GPR21: variants seen among roughly 807,000 people sequenced by gnomAD.
GPR21 encodes probable G protein-coupled receptor 21.
A neutral mutation model predicts 21.5 loss-of-function variants in GPR21; 9 were observed. That is an observed-to-expected ratio of 0.42 (90% CI 0.25 to 0.73). The LOEUF is 0.73. Among genes scored for constraint, GPR21 ranks in the 30% least tolerant of loss-of-function variants. The probability of loss-of-function intolerance (pLI) is 0.27; values close to 1 mark genes in which losing one functional copy is unlikely to be tolerated. For missense variants in GPR21, 416 were observed against 428.9 expected, an observed-to-expected ratio of 0.97 and a Z score of 0.27; for synonymous variants, 169 against 159.3, an observed-to-expected ratio of 1.06 and a Z score of -0.46.
chr9:123,048,582 T>C, the GPR21 span, among the ~76,000 whole-genome samples: 7 of 152,218 alleles, frequency 4.6e-5, no homozygotes, highest in East Asian at 1.9e-4. Flanking sequence ...GCATTTGATA[T>C]GCAGTTTACT....
At position 123,034,495 on chromosome 9, in the gene GPR21, G is replaced by A; in HGVS notation, c.-72G>A. 2 of 910,872 alleles carry A rather than the reference G, an allele frequency of 2.2e-6. No individual in the cohort carries two copies. Among genetic ancestry groups the A allele is most frequent in the Non-Finnish European group, 3.4e-6 (2 of 586,140 alleles). 56.4% of individuals were successfully genotyped at this position (910,872 alleles called of 1,614,324 possible). On this transcript the variant is annotated 5_prime_UTR_variant, in exon 2 of 2. Transcript: ENST00000616002. The stretch of plus-strand genomic sequence containing the variant: ...ACATGCAAAGCTGACCGCAATGACA[G>A]CAGCTGCTTCTTTGAACTGTTGGCA...
chr9:123,042,877 T>G, the GPR21 span, among the ~76,000 whole-genome samples: 1 of 152,156 alleles, frequency 6.6e-6, no homozygotes. Flanking sequence ...GTTATAAAAT[T>G]TCAGAACAAT....
At chr9:123,045,265 C>T in the GPR21 span, among the ~76,000 whole-genome samples, 2 of 152,046 alleles carry the variant, frequency 1.3e-5, no homozygotes, top group South Asian at 2.1e-4. Context: ...TCCAGAAAAA[C>T]GGAGGAAACC....
At chr9:123,047,923 T>TG in the GPR21 span, among the ~76,000 whole-genome samples, 2 of 53,558 alleles carry the variant, frequency 3.7e-5, no homozygotes, top group Non-Finnish European at 5.4e-5. Context: ...TGCTGGGTTT[T>TG]TTTTTTTTTT....
the GPR21 span, among the ~76,000 whole-genome samples, chr9:123,046,572 G>T: frequency 2.0e-5 from 3 of 152,174 alleles, no homozygotes; most frequent in African/African-American, 7.2e-5. Flanking sequence ...CTTAACTAAT[G>T]ACACTGTCTC....
chr9:123,038,744 A>G (rs1398588992), downstream of GPR21, among the ~76,000 whole-genome samples: 1 of 151,178 alleles, frequency 6.6e-6, no homozygotes, highest in East Asian at 1.9e-4. Context: ...TTAAGTATTT[A>G]TATTAAATTT....
At chr9:123,041,475 G>A in the GPR21 span, among the ~76,000 whole-genome samples, 1 of 152,192 alleles carries the variant, frequency 6.6e-6, no homozygotes. Flanking sequence ...CCAATTCTTT[G>A]ACTCTAAAGC....
the GPR21 span, among the ~76,000 whole-genome samples, chr9:123,042,549 A>T: frequency 3.9e-5 from 6 of 152,358 alleles, no homozygotes; most frequent in South Asian, 1.0e-3. Flanking sequence ...GAATAGGAAG[A>T]GAACAAGAAA....
At chr9:123,042,115 T>C in the GPR21 span, among the ~76,000 whole-genome samples, 2 of 152,220 alleles carry the variant, frequency 1.3e-5, no homozygotes, top group Non-Finnish European at 2.9e-5. Context: ...TAAGAAAGTC[T>C]GTGTGTTAAA....
Position 123,035,292 on chromosome 9 carries a change from G to A in GPR21, c.726G>A (p.Val242=). 2 of 1,614,150 alleles carry A rather than the reference G, an allele frequency of 1.2e-6. No individual in the cohort carries two copies. Among genetic ancestry groups the A allele is most frequent in the Non-Finnish European group, 1.7e-6 (2 of 1,180,004 alleles). The change falls in exon 2 of 2, where the codon GTG becomes GTA. Residue 242 remains valine, a synonymous_variant. Coordinates refer to ENST00000616002, the MANE Select transcript of GPR21 (RefSeq NM_005294.3). The part of the protein sequence containing the change: ...FSSQSGETGE[V]QACPDKRYAM... ...GCCAGAGTGGGGAGACTGGGGAAGT[G>A]CAGGCCTGTCCTGATAAGCGCTATG...
At chr9:123,038,956 C>T (rs1185054252), downstream of GPR21, among the ~76,000 whole-genome samples, 1 of 152,114 alleles carries the variant, frequency 6.6e-6, no homozygotes, top group Middle Eastern at 3.2e-3. Flanking sequence ...AGTCACTTCT[C>T]TAAATGCTTA....
chr9:123,047,919 G>GTTTTT, the GPR21 span, among the ~76,000 whole-genome samples: 29 of 62,282 alleles, frequency 4.7e-4, 6 homozygotes, highest in Non-Finnish European at 6.4e-4. Flanking sequence ...CAGCTGCTGG[G>GTTTTT]TTTTTTTTTT....
rs2032600845 is a variant in GPR21, at chr9:123,035,636, TC to T, written c.*23del. On this transcript the variant is annotated 3_prime_UTR_variant, in exon 2 of 2. Coordinates refer to ENST00000616002, the MANE Select transcript of GPR21 (RefSeq NM_005294.3). Reference sequence around the variant, plus strand: ...ATCTGAAGTGGCTCAGTTACGGGGTTCCCGTGTGTGTGTGTGTGTGTGTGTG... The same window carrying T: ...ATCTGAAGTGGCTCAGTTACGGGGTTCCGTGTGTGTGTGTGTGTGTGTGTG... 5 of 1,260,858 alleles carry T rather than the reference TC, an allele frequency of 4.0e-6. No homozygotes were observed. In the African/African-American group the frequency reaches 7.9e-5, roughly 20 times the overall value. The allele number at this position is 1,260,858 out of a possible 1,614,324, so 78.1% of individuals were successfully genotyped here. A position where few individuals can be genotyped will look rare whatever the true frequency, so the allele number is the denominator to read the frequency against.
chr9:123,046,665 A>T, the GPR21 span, among the ~76,000 whole-genome samples: 11 of 152,246 alleles, frequency 7.2e-5, no homozygotes, highest in African/African-American at 2.7e-4. Context: ...CACTCAGTAC[A>T]TGTTAGCTGG....
At chr9:123,046,710 A>C in the GPR21 span, among the ~76,000 whole-genome samples, 1 of 152,232 alleles carries the variant, frequency 6.6e-6, no homozygotes, top group African/African-American at 2.4e-5. Flanking sequence ...GTATGGATGA[A>C]GCAGAAGTTT....
At chr9:123,045,672 ATTATG>A in the GPR21 span, among the ~76,000 whole-genome samples, 37 of 152,290 alleles carry the variant, frequency 2.4e-4, no homozygotes, top group East Asian at 6.9e-3. Context: ...TCAGTTGCAT[ATTATG>A]TTAATAGTAA....
chr9:123,045,682 TAGTA>T, the GPR21 span, among the ~76,000 whole-genome samples: 1 of 152,168 alleles, frequency 6.6e-6, no homozygotes, highest in Non-Finnish European at 1.5e-5. Context: ...ATTATGTTAA[TAGTA>T]AGGCTTTTAA....
the GPR21 span, among the ~76,000 whole-genome samples, chr9:123,045,822 A>G: frequency 1.3e-5 from 2 of 152,208 alleles, no homozygotes; most frequent in Non-Finnish European, 2.9e-5. Flanking sequence ...GCAAAATGGG[A>G]TAATACTACC....
downstream of GPR21, chr9:123,035,809 C>A: frequency 2.0e-6 from 1 of 500,628 alleles, no homozygotes; most frequent in East Asian, 3.1e-5. Context: ...TTCAAAAGTG[C>A]TTGTGAATTA....
Sources: gnomAD v4.1 joint callset for allele counts (sites outside exome capture counted in the v4.1 genomes callset) on GRCh38, gnomAD v4.1.1 for gene constraint, MANE v1.5 for transcripts, NCBI Gene and HGNC (gene_info 2026-07-23, HGNC 2026-07-21) for gene names.